The following TNFSF4 variants were observed in gnomAD, a reference collection of about 807,000 sequenced individuals.
The protein encoded by TNFSF4 is tumor necrosis factor ligand superfamily member 4.
A neutral mutation model predicts 7.3 loss-of-function variants in TNFSF4; 4 were observed. That is an observed-to-expected ratio of 0.55 (90% confidence interval 0.27 to 1.25). The LOEUF is 1.25. Among genes scored for constraint, TNFSF4 ranks in the 50% most tolerant of loss-of-function variants. The probability of loss-of-function intolerance (pLI) is 0.12; values close to 1 mark genes in which losing one functional copy is unlikely to be tolerated. For missense variants in TNFSF4, 181 were observed against 208.8 expected (o/e 0.87, Z 0.82); for synonymous variants, 76 against 83.7 (o/e 0.91, Z 0.50).
the TNFSF4 span, among the ~76,000 whole-genome samples, chr1:173,241,019 CTA>C: frequency 2.0e-5 from 3 of 152,118 alleles, no homozygotes; most frequent in Non-Finnish European, 4.4e-5. Flanking sequence ...ATTGAATTTA[CTA>C]TGTTTTCTTG....
At chr1:173,175,027 G>T in the TNFSF4 span, 2 of 152,104 alleles carry the variant, frequency 1.3e-5, no homozygotes, top group African/African-American at 4.8e-5. Flanking sequence ...TTTCTGTGAA[G>T]TAAGATCCTA....
At chr1:173,377,732 A>T in the TNFSF4 span, among the ~76,000 whole-genome samples, 1 of 152,112 alleles carries the variant, frequency 6.6e-6, no homozygotes, top group Non-Finnish European at 1.5e-5. Context: ...GAAAGACACA[A>T]TTTTTGCCCA....
the TNFSF4 span, among the ~76,000 whole-genome samples, chr1:173,404,655 C>T: frequency 3.4e-5 from 5 of 145,826 alleles, no homozygotes; most frequent in African/African-American, 1.0e-4. Context: ...TTTTTTAAGA[C>T]GGAGACTTGC....
At chr1:173,403,720 G>A in the TNFSF4 span, among the ~76,000 whole-genome samples, 1 of 152,104 alleles carries the variant, frequency 6.6e-6, no homozygotes, top group South Asian at 2.1e-4. Context: ...TGGCCAAGAT[G>A]GTGAAACCCC....
chr1:173,247,022 C>T, the TNFSF4 span, among the ~76,000 whole-genome samples: 2 of 152,080 alleles, frequency 1.3e-5, no homozygotes, highest in South Asian at 4.1e-4. Context: ...AATCTAATGC[C>T]TTAAATATTG....
the TNFSF4 span, among the ~76,000 whole-genome samples, chr1:173,288,193 C>A: frequency 6.6e-6 from 1 of 152,104 alleles, no homozygotes; most frequent in Non-Finnish European, 1.5e-5. Flanking sequence ...CACCTGTAAT[C>A]CCAAATCCCA....
the TNFSF4 span, among the ~76,000 whole-genome samples, chr1:173,241,628 T>C: frequency 5.3e-5 from 8 of 152,156 alleles, no homozygotes; most frequent in Non-Finnish European, 1.0e-4. Flanking sequence ...CCAGATAAGA[T>C]TGGCAACAGT....
the TNFSF4 span, among the ~76,000 whole-genome samples, chr1:173,283,693 T>C: frequency 2.6e-5 from 4 of 152,110 alleles, no homozygotes; most frequent in Admixed American, 6.6e-5. Context: ...TTTCAGTCAG[T>C]AGGAAAATGT....
the TNFSF4 span, among the ~76,000 whole-genome samples, chr1:173,173,787 AG>A: frequency 6.6e-6 from 1 of 152,212 alleles, no homozygotes; most frequent in Non-Finnish European, 1.5e-5. Context: ...TGCATAGAGC[AG>A]GGGGGCCCTG....
At chr1:173,322,333 G>A in the TNFSF4 span, among the ~76,000 whole-genome samples, 22 of 152,204 alleles carry the variant, frequency 1.4e-4, no homozygotes, top group Non-Finnish European at 2.2e-4. Flanking sequence ...GTAAGGGGGC[G>A]GGGGGCAAGG....
At chr1:173,305,102 C>T in the TNFSF4 span, among the ~76,000 whole-genome samples, 1 of 151,956 alleles carries the variant, frequency 6.6e-6, no homozygotes, top group Non-Finnish European at 1.5e-5. Flanking sequence ...TGGGAGGATT[C>T]CATTTAATTT....
the TNFSF4 span, among the ~76,000 whole-genome samples, chr1:173,403,190 T>C: frequency 4.6e-5 from 7 of 152,284 alleles, no homozygotes; most frequent in South Asian, 1.5e-3. Flanking sequence ...AGGTGATAAC[T>C]GAGGCTGCTG....
the TNFSF4 span, among the ~76,000 whole-genome samples, chr1:173,370,957 C>T: frequency 2.3e-4 from 35 of 152,172 alleles, no homozygotes; most frequent in Admixed American, 3.9e-4. Context: ...CCCTCATCCA[C>T]GTCCCCTATG....
chr1:173,353,778 CAT>C, the TNFSF4 span, among the ~76,000 whole-genome samples: 1 of 152,120 alleles, frequency 6.6e-6, no homozygotes, highest in East Asian at 1.9e-4. Flanking sequence ...CTGTGAAAAA[CAT>C]GTTTCTTTGG....
chr1:173,354,078 T>TA, the TNFSF4 span, among the ~76,000 whole-genome samples: 1 of 150,272 alleles, frequency 6.7e-6, no homozygotes, highest in Non-Finnish European at 1.5e-5. Context: ...AAAAAATTAA[T>TA]AAAATAAGAC....
the TNFSF4 span, among the ~76,000 whole-genome samples, chr1:173,410,660 C>A: frequency 2.0e-5 from 3 of 152,266 alleles, no homozygotes; most frequent in Non-Finnish European, 4.4e-5. Context: ...TCTAAGTGAG[C>A]CCACGTGGTG....
At chr1:173,428,757 C>G in the TNFSF4 span, among the ~76,000 whole-genome samples, 371 of 152,180 alleles carry the variant, frequency 2.4e-3, 4 homozygotes, top group African/African-American at 8.7e-3. Flanking sequence ...GTAATTCCAG[C>G]AATTTGGGAG....
chr1:173,219,691 CA>C, the TNFSF4 span, among the ~76,000 whole-genome samples: 7 of 152,142 alleles, frequency 4.6e-5, no homozygotes, highest in African/African-American at 1.7e-4. Context: ...CACACACACA[CA>C]CACACCATGC....
the TNFSF4 span, among the ~76,000 whole-genome samples, chr1:173,320,506 G>T: frequency 1.3e-5 from 2 of 150,236 alleles, no homozygotes; most frequent in African/African-American, 2.5e-5. Flanking sequence ...AGAAATAAAG[G>T]GTATTCAAAT....
Sources: allele counts gnomAD v4.1 joint callset (sites outside exome capture counted in the v4.1 genomes callset), GRCh38; gene constraint gnomAD v4.1.1; transcripts MANE v1.5; gene names NCBI Gene and HGNC (gene_info 2026-07-23, HGNC 2026-07-21).